The following ADAMTS16 variants were observed in gnomAD, a reference collection of about 807,000 sequenced individuals.
The protein encoded by ADAMTS16 is ADAM metallopeptidase with thrombospondin type 1 motif 16, also known as A disintegrin and metalloproteinase with thrombospondin motifs 16.
ADAMTS16 carries 94 observed loss-of-function variants against 145.8 expected under a neutral mutation model. The observed-to-expected ratio is 0.64, with a 90% CI of 0.55 to 0.77. The LOEUF is 0.77. ADAMTS16 is among the 30% of genes least tolerant of loss of function. ADAMTS16 has a pLI of 0.00. For synonymous variants in ADAMTS16, 659 were observed against 604.3 expected (o/e 1.09, Z -1.33); for missense variants, 1,585 against 1,591.5 (o/e 1.00, Z 0.07).
intron 18 of ADAMTS16, among the ~76,000 whole-genome samples, chr5:5,297,367 G>A (rs1739584903): frequency 1.3e-5 from 2 of 152,200 alleles, no homozygotes; most frequent in Admixed American, 1.3e-4. Context: ...CTGGAAAGTG[G>A]GCAGAGGGGC....
intron 8 of ADAMTS16, among the ~76,000 whole-genome samples, chr5:5,193,638 G>C (rs1735725237): frequency 6.6e-6 from 1 of 152,172 alleles, no homozygotes; most frequent in East Asian, 1.9e-4. Context: ...CCGACACAAG[G>C]CCCTCAGTTG....
rs901233757 is a variant in ADAMTS16, at chr5:5,250,707, C to G, written c.2662+8516C>G. On this transcript the variant is annotated intron_variant, in intron 17 of 22. Transcript: ENST00000274181. ...GTTCATCACCCTGTCTGTCTCTTCT[C>G]TCTGTGTGTGTGTGTGTGTGTGTGT... Among the ~76,000 whole-genome samples, 471 of 148,676 alleles carry G rather than the reference C, an allele frequency of 3.2e-3. 2 individuals are homozygous for G. The highest frequency in any genetic ancestry group is 0.011 in the African/African-American group (434 of 40,296).
chr5:5,306,015 G>T (rs6879339), intron 20 of ADAMTS16, among the ~76,000 whole-genome samples: 117,349 of 152,152 alleles, frequency 0.77, 45,610 homozygotes, highest in South Asian at 0.82. Flanking sequence ...GCTAAGGGAC[G>T]TGCTCTCCAC....
chr5:5,165,221 G>T (rs1437683392), intron 3 of ADAMTS16, among the ~76,000 whole-genome samples: 1 of 152,078 alleles, frequency 6.6e-6, no homozygotes, highest in Non-Finnish European at 1.5e-5. Context: ...CTCTGCTCCG[G>T]CTTCTTTTGC....
At position 5,224,224 on chromosome 5, in the gene ADAMTS16, C is replaced by A. The variant is rs537197357; in HGVS notation, c.1701+1340C>A. ...TTGAATTCTTCTAATTCATTGAATT[C>A]TACTAGTGATCCAGTGATCCAGTTG... is the stretch of plus-strand genomic sequence containing the variant. On this transcript the variant is annotated intron_variant, in intron 11 of 22. Transcript: ENST00000274181. Among the ~76,000 whole-genome samples, 9 of 152,078 alleles carry A rather than the reference C, an allele frequency of 5.9e-5. No homozygotes were observed. The East Asian group carries it at 1.7e-3, about 29-fold the overall frequency.
chr5:5,188,778 G>A (rs1735579110), intron 6 of ADAMTS16, among the ~76,000 whole-genome samples: 1 of 152,168 alleles, frequency 6.6e-6, no homozygotes, highest in African/African-American at 2.4e-5. Context: ...TTTCTAGTCT[G>A]ACTAGTCAGG....
chr5:5,210,756 A>G (rs1403951390), intron 10 of ADAMTS16, among the ~76,000 whole-genome samples: 1 of 152,038 alleles, frequency 6.6e-6, no homozygotes, highest in Non-Finnish European at 1.5e-5. Flanking sequence ...CTCTAATCCC[A>G]ATTCGTTCAG....
chr5:5,140,878 T>C (rs1010670790), intron 2 of ADAMTS16, 112 bp downstream of exon 2: 1 of 1,089,840 alleles, frequency 9.2e-7, no homozygotes, highest in Non-Finnish European at 1.2e-6. Context: ...AACCCTACTT[T>C]TAAGATGCTG....
rs1735359891 is a variant in ADAMTS16, at chr5:5,182,239, C to T, written c.697C>T (p.Leu233=). ...GACATGGGAGCTGGCACATCAACCC[C>T]TGCACAGCAGCGACCTTCGCCTGGG... ...SRTWELAHQP[L]HSSDLRLGLP... The change falls in exon 4 of 23, where the codon CTG becomes TTG. Residue 233 remains leucine (L), a synonymous_variant. Transcript: ENST00000274181. 1 of 1,614,074 alleles carries T rather than the reference C, an allele frequency of 6.2e-7. No homozygotes were observed. Among genetic ancestry groups the T allele is most frequent in the African/African-American group, 1.3e-5 (1 of 74,938 alleles).
chr5:5,305,871 G>A (rs374508117), intron 20 of ADAMTS16, among the ~76,000 whole-genome samples: 1 of 152,238 alleles, frequency 6.6e-6, no homozygotes, highest in East Asian at 1.9e-4. Flanking sequence ...AGTGTGCCTT[G>A]CTCCTGTGTG....
At chr5:5,151,961 T>G (rs570527481) in intron 3 of ADAMTS16, among the ~76,000 whole-genome samples, 211 of 152,318 alleles carry the variant, frequency 1.4e-3, no homozygotes, top group Non-Finnish European at 2.0e-3. Context: ...GTATTCAACT[T>G]CTTTTTTAGA....
At position 5,303,330 on chromosome 5, in the gene ADAMTS16, C is replaced by T; in HGVS notation, c.2852C>T (p.Pro951Leu). ...TGTGGCGGGGGTGCCCAGAGCCGCCCCGTGCAGTGCACACGGCGGGTGCAC... is the reference window on the plus strand; with the variant it reads ...TGTGGCGGGGGTGCCCAGAGCCGCCTCGTGCAGTGCACACGGCGGGTGCAC... ...RTCGGGAQSR[P>L]VQCTRRVHYD... is the part of the protein sequence containing the mutation. The change falls in exon 19 of 23, where the codon CCC becomes CTC. Residue 951 changes from proline (P) to leucine (L), a missense_variant. This residue lies in a region of ADAMTS16 where 834 missense variants were observed against 811.7 expected (regional missense o/e 1.03). Transcript: ENST00000274181. The T allele has an allele frequency of 6.2e-7, 1 of 1,606,134 alleles. No individual in the cohort carries two copies.
rs552320275 is a variant in ADAMTS16, at chr5:5,216,147, C to T, written c.1606-6642C>T. Among the ~76,000 whole-genome samples the T allele has an allele frequency of 2.0e-5, 3 of 152,066 alleles. No homozygotes were observed. The South Asian group carries it at 6.2e-4, about 32-fold the overall frequency. Reference sequence around the variant, plus strand: ...TTTCCATAGTGGCTTTACTGGTTTACATTCCCACCAGCAGTGTAGAAGCGT... The same window carrying T: ...TTTCCATAGTGGCTTTACTGGTTTATATTCCCACCAGCAGTGTAGAAGCGT... On this transcript the variant is annotated intron_variant, in intron 10 of 22. Transcript: ENST00000274181.
At chr5:5,188,413 C>A (rs6555333) in intron 6 of ADAMTS16, among the ~76,000 whole-genome samples, 1 of 151,964 alleles carries the variant, frequency 6.6e-6, no homozygotes, top group South Asian at 2.1e-4. Context: ...TTGGGACCCC[C>A]GTAAATGCAT....
intron 11 of ADAMTS16, among the ~76,000 whole-genome samples, chr5:5,224,346 G>C (rs539610382): frequency 6.6e-6 from 1 of 152,266 alleles, no homozygotes; most frequent in African/African-American, 2.4e-5. Flanking sequence ...TTGGAGTGCA[G>C]TGGTGCGATC....
Position 5,269,707 on chromosome 5 carries a change from G to A in ADAMTS16, c.2789+6924G>A, listed in dbSNP as rs1410432733. On this transcript the variant is annotated intron_variant, in intron 18 of 22. Coordinates refer to ENST00000274181, the MANE Select transcript of ADAMTS16 (RefSeq NM_139056.4). This position sits in a 1 kb window ranked among gnomAD's most constrained non-coding sequence, Gnocchi z 4.3. ...CCCATTTCGCCCAGTGGTTCCTGTTGTTTTTCTGGCTGGGTCTCCTCTGCC... is the reference window on the plus strand; with the variant it reads ...CCCATTTCGCCCAGTGGTTCCTGTTATTTTTCTGGCTGGGTCTCCTCTGCC... Among the ~76,000 whole-genome samples the A allele has an allele frequency of 4.6e-5, 7 of 152,172 alleles. No individual in the cohort carries two copies. The highest frequency in any genetic ancestry group is 6.5e-5 in the Admixed American group (1 of 15,278).
At chr5:5,281,332 A>G (rs34919656) in intron 18 of ADAMTS16, among the ~76,000 whole-genome samples, 79,509 of 152,212 alleles carry the variant, frequency 0.52, 22,551 homozygotes, top group East Asian at 0.78. Flanking sequence ...AAACTTTTGT[A>G]TTAAAACATG....
intron 17 of ADAMTS16, among the ~76,000 whole-genome samples, chr5:5,247,605 G>T (rs1446234703): frequency 6.6e-6 from 1 of 152,196 alleles, no homozygotes; most frequent in African/African-American, 2.4e-5. Context: ...GGGTGCCGGG[G>T]TCCCTCCCAC....
chr5:5,157,970 G>A (rs1734642626), intron 3 of ADAMTS16, among the ~76,000 whole-genome samples: 1 of 152,192 alleles, frequency 6.6e-6, no homozygotes, highest in Non-Finnish European at 1.5e-5. Flanking sequence ...GGTTTTAGCG[G>A]ATGCTGTTGC....
Sources: allele counts gnomAD v4.1 joint callset (sites outside exome capture counted in the v4.1 genomes callset), GRCh38; gene constraint gnomAD v4.1.1; regional missense constraint gnomAD v4.1.1; non-coding constraint Gnocchi (gnomAD v3.1); transcripts MANE v1.5; gene names NCBI Gene and HGNC (gene_info 2026-07-23, HGNC 2026-07-21).